SFSWAP: variants seen among roughly 807,000 people sequenced by gnomAD.
SFSWAP encodes the protein splicing factor SWAP, also known as splicing factor, suppressor of white-apricot homolog.
In SFSWAP, 17 loss-of-function variants were observed where a neutral mutation model predicts 100.7. The ratio of observed to expected loss-of-function variants is 0.17; its 90% CI spans 0.12 to 0.25. The LOEUF (loss-of-function observed/expected upper bound fraction) is 0.25, where lower values mean the gene tolerates loss of function less well. SFSWAP is among the 10% of genes least tolerant of loss of function. The pLI is 1.00. For missense variants in SFSWAP, 1,005 were observed against 1,262.6 expected, an observed-to-expected ratio of 0.80 and a Z score of 3.09; for synonymous variants, 504 against 510.1, an observed-to-expected ratio of 0.99 and a Z score of 0.16.
intron 15 of SFSWAP, among the ~76,000 whole-genome samples, chr12:131,790,998 TAAA>T: frequency 6.6e-6 from 1 of 152,022 alleles, no homozygotes; most frequent in Non-Finnish European, 1.5e-5. Flanking sequence ...ATGGGACAAA[TAAA>T]AACAAGATTG....
rs146093255 is a variant in SFSWAP at position 131,744,899 on chromosome 12, G to A, written c.1082-8224G>A. ...GCAGCAGGCAAAGAGAGGCTGTACA[G>A]AGAAGCTCCTGTTTTTGAAACTATC... On this transcript the variant is annotated intron_variant, in intron 7 of 17. Transcript: ENST00000261674. Among the ~76,000 whole-genome samples the A allele has an allele frequency of 4.3e-3, 660 of 152,348 alleles. 5 individuals carry two copies. Among genetic ancestry groups the A allele is most frequent in the Middle Eastern group, 0.027 (8 of 294 alleles).
chr12:131,748,990 G>C (rs1280998902), intron 7 of SFSWAP, among the ~76,000 whole-genome samples: 1 of 152,200 alleles, frequency 6.6e-6, no homozygotes, highest in Admixed American at 6.5e-5. Flanking sequence ...AGATATATGT[G>C]GTCCCAGCTT....
chr12:131,792,715 C>A (rs1351525091), intron 15 of SFSWAP, among the ~76,000 whole-genome samples: 3 of 152,270 alleles, frequency 2.0e-5, no homozygotes, highest in Non-Finnish European at 4.4e-5. Context: ...CTCTCAAGAA[C>A]ATAGATGCAA....
chr12:131,797,128 C>T (rs773716062), intron 15 of SFSWAP, 50 bp from the exon 16 acceptor site: 1 of 1,546,326 alleles, frequency 6.5e-7, no homozygotes, highest in Non-Finnish European at 8.8e-7. Flanking sequence ...CCCTTTGTGC[C>T]CTGCCTTTAA....
chr12:131,720,112 C>T (rs1414860861), intron 4 of SFSWAP, among the ~76,000 whole-genome samples: 2 of 152,186 alleles, frequency 1.3e-5, no homozygotes, highest in Non-Finnish European at 2.9e-5. Flanking sequence ...TTGACCTTTC[C>T]TGCTATTTCA....
chr12:131,741,120 C>T (rs1593134902), intron 7 of SFSWAP, among the ~76,000 whole-genome samples: 2 of 151,310 alleles, frequency 1.3e-5, no homozygotes, highest in Admixed American at 6.6e-5. Context: ...TACAGGCGTC[C>T]GACACCACGC....
chr12:131,797,172 T>C lies in SFSWAP; in HGVS notation c.2535-6T>C. 6.2e-7 allele frequency: 1 copy of C among 1,605,434 alleles called. No individual in the cohort carries two copies. The highest frequency in any genetic ancestry group is 8.5e-7 in the Non-Finnish European group (1 of 1,178,282). On this transcript the variant is annotated splice_polypyrimidine_tract_variant and splice_region_variant and intron_variant, in intron 15 of 17. Transcript: ENST00000261674. The stretch of plus-strand genomic sequence containing the variant: ...TGCATCTCTCACAGAAACTCTTGCC[T>C]TTCAGAAGTCCCCACGAGAAGAAGA...
intron 7 of SFSWAP, among the ~76,000 whole-genome samples, chr12:131,749,179 G>A (rs1881399283): frequency 3.9e-5 from 6 of 152,222 alleles, no homozygotes; most frequent in Admixed American, 3.9e-4. Context: ...CTGTGCCATG[G>A]TGTTCGGTGG....
chr12:131,740,917 C>T (rs1465406137), intron 7 of SFSWAP, among the ~76,000 whole-genome samples: 1 of 145,612 alleles, frequency 6.9e-6, no homozygotes, highest in East Asian at 2.0e-4. Flanking sequence ...TTCACTAAAG[C>T]TTAATTGATG....
intron 8 of SFSWAP, among the ~76,000 whole-genome samples, chr12:131,753,853 G>A (rs1014135747): frequency 7.2e-5 from 11 of 152,160 alleles, no homozygotes; most frequent in Non-Finnish European, 8.8e-5. Flanking sequence ...CTCCAGCAGC[G>A]AGGGCCCCCA....
intron 4 of SFSWAP, among the ~76,000 whole-genome samples, chr12:131,724,158 G>A (rs1035829969): frequency 6.6e-6 from 1 of 152,112 alleles, no homozygotes; most frequent in African/African-American, 2.4e-5. Context: ...TTTAACCATG[G>A]TAATAGAAGT....
chr12:131,732,935 G>T (rs891278783), intron 7 of SFSWAP, among the ~76,000 whole-genome samples: 1 of 152,168 alleles, frequency 6.6e-6, no homozygotes, highest in Non-Finnish European at 1.5e-5. Flanking sequence ...GGCCCCGTGG[G>T]GTCTGGAAAA....
At chr12:131,774,300 A>T (rs887912463) in intron 13 of SFSWAP, among the ~76,000 whole-genome samples, 5 of 152,204 alleles carry the variant, frequency 3.3e-5, no homozygotes, top group East Asian at 3.9e-4. Flanking sequence ...TTCAAATACA[A>T]TCAGATACAA....
chr12:131,731,964 C>T (rs1191518547), intron 7 of SFSWAP, among the ~76,000 whole-genome samples: 1 of 122,220 alleles, frequency 8.2e-6, no homozygotes, highest in African/African-American at 3.1e-5. Flanking sequence ...GGCTGGAGTG[C>T]AGTGGTGCAA....
chr12:131,793,904 G>A (rs527924998), intron 15 of SFSWAP, among the ~76,000 whole-genome samples: 4 of 152,038 alleles, frequency 2.6e-5, no homozygotes, highest in East Asian at 3.9e-4. Flanking sequence ...AAACCAGGAC[G>A]GGCTCGGGGG....
intron 7 of SFSWAP, among the ~76,000 whole-genome samples, chr12:131,736,528 C>G (rs796919523): frequency 6.6e-5 from 10 of 152,236 alleles, no homozygotes; most frequent in African/African-American, 2.4e-4. Context: ...AATGCCCATA[C>G]GGTTTTTAAA....
rs965658500 is a variant in SFSWAP, at chr12:131,799,255, C to T, written c.2790+146C>T. 53 of 1,016,408 alleles carry T rather than the reference C, an allele frequency of 5.2e-5. 1 individual carries two copies. The highest frequency in any genetic ancestry group is 6.7e-5 in the Non-Finnish European group (44 of 657,774). The allele number at this position is 1,016,408 out of a possible 1,614,324, so 63.0% of individuals were successfully genotyped here. A position where few individuals can be genotyped will look rare whatever the true frequency, so the allele number is the denominator to read the frequency against. ...AAATACCACAGGCTCTGGGTGAGGC[C>T]GAGGGCAAAGCCGTGTGGCCCGCAC... On this transcript the variant is annotated intron_variant, in intron 17 of 17. Transcript: ENST00000261674.
rs71072785 is a variant in SFSWAP at position 131,738,885 on chromosome 12, C to CTTTTT, written c.1081+10477_1081+10481dup. 1.5e-3 allele frequency among the ~76,000 whole-genome samples: 71 copies of CTTTTT among 48,744 alleles called. 13 individuals are homozygous for CTTTTT. The highest frequency in any genetic ancestry group is 8.0e-3 in the South Asian group (7 of 876). 32.0% of individuals were successfully genotyped at this position (48,744 alleles called of 152,430 possible). On this transcript the variant is annotated intron_variant, in intron 7 of 17. Transcript: ENST00000261674. Reference sequence around the variant, plus strand: ...TTCCAGTGCTGTAATGAACATTATTCTTTTTTTTTTTTTTTTTTTTTTTTG... The same window carrying CTTTTT: ...TTCCAGTGCTGTAATGAACATTATTCTTTTTTTTTTTTTTTTTTTTTTTTTTTTTG...
intron 7 of SFSWAP, among the ~76,000 whole-genome samples, chr12:131,742,420 T>A (rs1482499571): frequency 5.3e-5 from 8 of 152,226 alleles, no homozygotes; most frequent in Admixed American, 5.2e-4. Flanking sequence ...GACAGGCTTT[T>A]TTTTTTCTAG....
Sources: allele counts gnomAD v4.1 joint callset (sites outside exome capture counted in the v4.1 genomes callset), GRCh38; gene constraint gnomAD v4.1.1; transcripts MANE v1.5; gene names NCBI Gene and HGNC (gene_info 2026-07-23, HGNC 2026-07-21).